MPRIP: variants seen among roughly 807,000 people sequenced by gnomAD.
MPRIP encodes myosin phosphatase Rho-interacting protein.
Under a neutral mutation model 234.9 loss-of-function variants are expected in MPRIP, and 59 were observed. That is an observed-to-expected ratio of 0.25 (90% CI 0.20 to 0.31). MPRIP has a LOEUF of 0.31. MPRIP is among the 10% of genes least tolerant of loss of function. The pLI, the probability that MPRIP is intolerant of heterozygous loss-of-function variation, is 1.00. For synonymous variants in MPRIP, 1,144 were observed against 1,263.9 expected (o/e 0.91, Z 2.01); for missense variants, 2,436 against 3,071.0 (o/e 0.79, Z 4.89).
chr17:17,149,175 A>G (rs2045542590), intron 11 of MPRIP, among the ~76,000 whole-genome samples: 2 of 152,190 alleles, frequency 1.3e-5, no homozygotes, highest in Admixed American at 1.3e-4. Flanking sequence ...AACAGCCACA[A>G]CTACCTGAAA....
chr17:17,102,431 C>T (rs368078581), intron 3 of MPRIP, among the ~76,000 whole-genome samples: 5 of 152,350 alleles, frequency 3.3e-5, no homozygotes, highest in South Asian at 2.1e-4. Flanking sequence ...AGGGCTGGTG[C>T]AGTGCGGAGC....
rs535122563 is a variant in MPRIP at position 17,174,478 on chromosome 17, G to A, written c.6750+403G>A. ...CAGGATCCTGTCCCCCAGGGATTGA[G>A]CTGACACTTCTCAGGGTCAGGCTTA... On this transcript the variant is annotated intron_variant, in intron 19 of 23. Coordinates refer to ENST00000651222, the MANE Select transcript of MPRIP (RefSeq NM_001364716.4). 3.3e-5 allele frequency among the ~76,000 whole-genome samples: 5 copies of A among 152,364 alleles called. No individual in the cohort carries two copies. In the South Asian group the frequency reaches 8.3e-4, roughly 25 times the overall value.
At position 17,165,597 on chromosome 17, in the gene MPRIP, G is replaced by C. The variant is rs1302686643; in HGVS notation, c.4006G>C (p.Glu1336Gln). The change falls in exon 16 of 24, where the codon GAA becomes CAA. Residue 1336 changes from glutamate (E) to glutamine (Q), a missense_variant. This residue lies in a region of MPRIP where 1,998 missense variants were observed against 2,520.3 expected (regional missense o/e 0.79). Coordinates refer to ENST00000651222, the MANE Select transcript of MPRIP (RefSeq NM_001364716.4). Reference sequence around the variant, plus strand: ...CCAGTGCCAAAGATACATTCACCCCGAAGGGTCTGAGAAGACCTGGACCAG... The same window carrying C: ...CCAGTGCCAAAGATACATTCACCCCCAAGGGTCTGAGAAGACCTGGACCAG... ...TIQCQRYIHPEGSEKTWTSST... is the reference protein window; with the variant it reads ...TIQCQRYIHPQGSEKTWTSST... 2 of 1,304,696 alleles carry C rather than the reference G, an allele frequency of 1.5e-6. No individual in the cohort carries two copies. Among genetic ancestry groups the C allele is most frequent in the East Asian group, 1.1e-4 (2 of 18,038 alleles). 80.8% of individuals were successfully genotyped at this position (1,304,696 alleles called of 1,614,324 possible). A position where few individuals can be genotyped will look rare whatever the true frequency, so the allele number is the denominator to read the frequency against.
chr17:17,141,606 G>C (rs576258055), intron 7 of MPRIP: 3 of 152,520 alleles, frequency 2.0e-5, no homozygotes, highest in East Asian at 3.8e-4. Context: ...CTGAGAAGCA[G>C]CTGGCCTCTT....
chr17:17,116,963 C>A (rs2090297612), intron 3 of MPRIP, among the ~76,000 whole-genome samples: 1 of 152,160 alleles, frequency 6.6e-6, no homozygotes, highest in African/African-American at 2.4e-5. Context: ...TTTCAAGAGC[C>A]CTTATCAGCC....
intron 1 of MPRIP, among the ~76,000 whole-genome samples, chr17:17,067,790 CTTTTTTTTT>C (rs35187618): frequency 3.9e-5 from 3 of 76,770 alleles, no homozygotes; most frequent in Admixed American, 1.6e-4. Context: ...CTTCTTCTTC[CTTTTTTTTT>C]TTTTTTTTTT....
intron 3 of MPRIP, among the ~76,000 whole-genome samples, chr17:17,084,270 A>T (rs1290657814): frequency 6.6e-6 from 1 of 152,212 alleles, no homozygotes; most frequent in Non-Finnish European, 1.5e-5. Flanking sequence ...ATGCAGACTA[A>T]ATCCCTAGCA....
intron 1 of MPRIP, among the ~76,000 whole-genome samples, chr17:17,063,716 T>C (rs1404977534): frequency 6.6e-6 from 1 of 152,202 alleles, no homozygotes. Flanking sequence ...AGAGATCTTG[T>C]CACCGACTGT....
intron 3 of MPRIP, among the ~76,000 whole-genome samples, chr17:17,107,593 G>A (rs1218145459): frequency 6.6e-6 from 1 of 152,224 alleles, no homozygotes; most frequent in African/African-American, 2.4e-5. Flanking sequence ...GGAGGGCTGT[G>A]GCCTGGCCTG....
intron 22 of MPRIP, among the ~76,000 whole-genome samples, chr17:17,178,929 GAAAA>G (rs373107590): frequency 0.023 from 3,440 of 146,912 alleles, 101 homozygotes; most frequent in Middle Eastern, 0.087. Context: ...AAAAAAAAAA[GAAAA>G]AAAAAACCTG....
rs372053572 is a variant in MPRIP, at chr17:17,145,484, C to T, written c.1504-552C>T. 4.6e-5 allele frequency among the ~76,000 whole-genome samples: 7 copies of T among 152,206 alleles called. No homozygotes were observed. The East Asian group carries it at 5.8e-4, about 13-fold the overall frequency. On this transcript the variant is annotated intron_variant, in intron 9 of 23. Coordinates refer to ENST00000651222, the MANE Select transcript of MPRIP (RefSeq NM_001364716.4). ...AGCGCTGTGCCTGGGCGCTGCCCCCCTGTCTGCCATCCTGCTTCTTGTGGG... is the reference window on the plus strand; with the variant it reads ...AGCGCTGTGCCTGGGCGCTGCCCCCTTGTCTGCCATCCTGCTTCTTGTGGG...
At chr17:17,102,699 T>G (rs1482263533) in intron 3 of MPRIP, among the ~76,000 whole-genome samples, 1 of 152,192 alleles carries the variant, frequency 6.6e-6, no homozygotes, top group Non-Finnish European at 1.5e-5. Context: ...CCCCTCACTC[T>G]GTGGCCCAGG....
Position 17,164,809 on chromosome 17 carries a change from T to G in MPRIP, c.3218T>G (p.Phe1073Cys). The change falls in exon 16 of 24, where the codon TTC becomes TGC. Residue 1073 changes from phenylalanine (F) to cysteine (C), a missense_variant. Coordinates refer to ENST00000651222, the MANE Select transcript of MPRIP (RefSeq NM_001364716.4). ...TLQKEKLSATFEGSEQVHQLE... is the reference protein window; with the variant it reads ...TLQKEKLSATCEGSEQVHQLE... ...CAGAAGGAGAAGCTGAGCGCCACTT[T>G]CGAGGGCAGTGAGCAGGTGCACCAG... 7.7e-7 allele frequency: 1 copy of G among 1,304,058 alleles called. No individual in the cohort carries two copies. The highest frequency in any genetic ancestry group is 1.5e-5 in the African/African-American group (1 of 65,938). The allele number at this position is 1,304,058 out of a possible 1,614,324, so 80.8% of individuals were successfully genotyped here.
intron 13 of MPRIP, among the ~76,000 whole-genome samples, chr17:17,156,129 T>C (rs2045723825): frequency 1.3e-5 from 2 of 152,200 alleles, no homozygotes; most frequent in South Asian, 4.1e-4. Context: ...GTGCTGTAGA[T>C]TGGCAATCCT....
intron 3 of MPRIP, among the ~76,000 whole-genome samples, chr17:17,098,785 C>T (rs755259942): frequency 2.0e-5 from 3 of 152,198 alleles, no homozygotes; most frequent in Non-Finnish European, 4.4e-5. Context: ...AACCTCCAGG[C>T]TGCCTGAGGC....
chr17:17,107,930 C>CA (rs1364892968), intron 3 of MPRIP, among the ~76,000 whole-genome samples: 3 of 152,174 alleles, frequency 2.0e-5, no homozygotes, highest in South Asian at 4.1e-4. Context: ...CGCTTAGGGC[C>CA]AGGGCTGCAG....
chr17:17,156,638 C>T (rs2045736327), intron 13 of MPRIP, among the ~76,000 whole-genome samples: 1 of 152,156 alleles, frequency 6.6e-6, no homozygotes, highest in Admixed American at 6.6e-5. Context: ...GGGGAGGTTT[C>T]TCCTAGGGAG....
In MPRIP at chr17:17,166,375, A is replaced by G; in HGVS notation, c.4784A>G (p.His1595Arg). 7.7e-7 allele frequency: 1 copy of G among 1,304,572 alleles called. No homozygotes were observed. Among genetic ancestry groups the G allele is most frequent in the Non-Finnish European group, 1.0e-6 (1 of 989,018 alleles). 80.8% of individuals were successfully genotyped at this position (1,304,572 alleles called of 1,614,324 possible). ...NTTSDVSRML[H>R]EISWSGQPPM... ...ACATCAGATGTCTCCCGAATGCTCCATGAGATTTCTTGGTCAGGACAGCCA... is the reference window on the plus strand; with the variant it reads ...ACATCAGATGTCTCCCGAATGCTCCGTGAGATTTCTTGGTCAGGACAGCCA... Residue 1595 changes from histidine to arginine, a missense_variant, in exon 16 of 24, where the codon CAT becomes CGT. By Grantham distance (29) the His-to-Arg change is conservative. Transcript: ENST00000651222. This position sits in a 1 kb window ranked among gnomAD's most constrained non-coding sequence, Gnocchi z 4.4.
At chr17:17,178,324 T>C (rs192208644) in intron 22 of MPRIP, 2 of 152,102 alleles carry the variant, frequency 1.3e-5, no homozygotes, top group Admixed American at 1.3e-4. Flanking sequence ...AAAGAAAAAA[T>C]CAACTTTTTT....
Sources: allele counts gnomAD v4.1 joint callset (sites outside exome capture counted in the v4.1 genomes callset), GRCh38; gene constraint gnomAD v4.1.1; regional missense constraint gnomAD v4.1.1; non-coding constraint Gnocchi (gnomAD v3.1); transcripts MANE v1.5; gene names NCBI Gene and HGNC (gene_info 2026-07-23, HGNC 2026-07-21).